TMEM132C: variants seen among roughly 807,000 people sequenced by gnomAD.
The protein encoded by TMEM132C is protein phosphatase 1, regulatory subunit 152.
TMEM132C carries 29 observed loss-of-function variants against 61.4 expected under a neutral mutation model. The observed-to-expected ratio is 0.47, with a 90% CI of 0.35 to 0.64. The LOEUF (loss-of-function observed/expected upper bound fraction) is 0.64, where lower values mean the gene tolerates loss of function less well. Ranked by LOEUF, TMEM132C falls within the 30% of genes least tolerant of loss-of-function variation. The probability of loss-of-function intolerance (pLI) is 0.00; values close to 1 mark genes in which losing one functional copy is unlikely to be tolerated. For missense variants in TMEM132C, 1,408 were observed against 1,476.9 expected (o/e 0.95, Z 0.76); for synonymous variants, 656 against 633.1 (o/e 1.04, Z -0.54).
intron 1 of TMEM132C, among the ~76,000 whole-genome samples, chr12:128,345,391 G>C (rs1009261443): frequency 1.3e-5 from 2 of 152,096 alleles, no homozygotes; most frequent in Non-Finnish European, 2.9e-5. Flanking sequence ...CTTTAAAAAA[G>C]AATGATTTAT....
At chr12:128,704,769 G>A (rs754734938) in intron 8 of TMEM132C, among the ~76,000 whole-genome samples, 10 of 152,164 alleles carry the variant, frequency 6.6e-5, no homozygotes, top group Admixed American at 3.9e-4. Context: ...AACATGCACC[G>A]GCTGACTGAT....
In TMEM132C at chr12:128,360,278, A is replaced by ACACC. The variant is rs1555220360; in HGVS notation, c.86-54452_86-54449dup. On this transcript the variant is annotated intron_variant, in intron 1 of 8. Transcript: ENST00000435159. ...CACACACACACACACACACACACAC[A>ACACC]CACCCCAGGATAACAGAGAGAGAAC... Among the ~76,000 whole-genome samples the ACACC allele has an allele frequency of 2.2e-3, 308 of 140,184 alleles. 4 individuals carry two copies. The highest frequency in any genetic ancestry group is 7.5e-3 in the Middle Eastern group (2 of 268). 92.0% of individuals were successfully genotyped at this position (140,184 alleles called of 152,430 possible).
rs1868705476 is a variant in TMEM132C, at chr12:128,414,903, C to T, written c.257C>T (p.Thr86Ile). 6.4e-7 allele frequency: 1 copy of T among 1,551,870 alleles called. No individual in the cohort carries two copies. The highest frequency in any genetic ancestry group is 1.4e-5 in the African/African-American group (1 of 73,172). Residue 86 changes from threonine to isoleucine, a missense_variant, in exon 2 of 9, where the codon ACC becomes ATC. Physicochemically the swap from Thr to Ile is moderately conservative, Grantham distance 89 (BLOSUM62 -1). Coordinates refer to ENST00000435159, the MANE Select transcript of TMEM132C (RefSeq NM_001136103.3). ...SLQARVESFF[T>I]YKTRQPPVLN... ...CAGGCGAGGGTGGAGTCCTTCTTTA[C>T]CTACAAAACCAGGCAGCCCCCAGTG...
intron 4 of TMEM132C, among the ~76,000 whole-genome samples, chr12:128,652,794 G>A (rs1342685922): frequency 6.6e-6 from 1 of 152,226 alleles, no homozygotes; most frequent in Non-Finnish European, 1.5e-5. Flanking sequence ...TTTGGAGGAA[G>A]GAGATTCATA....
chr12:128,635,161 T>C (rs1236117169), intron 4 of TMEM132C, among the ~76,000 whole-genome samples: 2 of 152,232 alleles, frequency 1.3e-5, no homozygotes, highest in Admixed American at 6.5e-5. Flanking sequence ...CTCCAATACA[T>C]GCTTTCATAA....
chr12:128,545,090 G>T (rs77477211), intron 3 of TMEM132C, among the ~76,000 whole-genome samples: 1 of 152,194 alleles, frequency 6.6e-6, no homozygotes, highest in African/African-American at 2.4e-5. Context: ...ACAGAGCACC[G>T]AATAGGTCGT....
chr12:128,606,520 T>G (rs1876432896), intron 3 of TMEM132C, among the ~76,000 whole-genome samples: 2 of 152,250 alleles, frequency 1.3e-5, no homozygotes, highest in Admixed American at 1.3e-4. Flanking sequence ...AGATTTCCCA[T>G]TTTTAAAAAA....
intron 8 of TMEM132C, among the ~76,000 whole-genome samples, chr12:128,702,623 TGAA>T (rs1954811967): frequency 6.6e-6 from 1 of 152,242 alleles, no homozygotes; most frequent in Non-Finnish European, 1.5e-5. Context: ...TGTTTTGTTC[TGAA>T]GGAGGTTGTA....
In TMEM132C at chr12:128,458,527, G is replaced by A. The variant is rs141668266; in HGVS notation, c.974+42907G>A. Among the ~76,000 whole-genome samples, 1,118 of 152,062 alleles carry A rather than the reference G, an allele frequency of 7.4e-3. 8 individuals are homozygous for A. Among genetic ancestry groups the A allele is most frequent in the Non-Finnish European group, 0.01 (713 of 67,976 alleles). On this transcript the variant is annotated intron_variant, in intron 2 of 8. Transcript: ENST00000435159. ...CTCTCATTCTTGTTCCATTGTCCCC[G>A]GAACATGGTCCCCTTTGCCCGGTGA...
At chr12:128,430,964 A>G (rs930678216) in intron 2 of TMEM132C, among the ~76,000 whole-genome samples, 2 of 152,232 alleles carry the variant, frequency 1.3e-5, no homozygotes, top group African/African-American at 4.8e-5. Context: ...TAAGTGTTTC[A>G]GTGAAAGGAA....
At chr12:128,573,919 G>T (rs1874996155) in intron 3 of TMEM132C, among the ~76,000 whole-genome samples, 1 of 151,074 alleles carries the variant, frequency 6.6e-6, no homozygotes, top group Non-Finnish European at 1.5e-5. Flanking sequence ...AAAAGAGAGT[G>T]GTGAAAATAG....
chr12:128,498,428 C>T (rs1872045318), intron 2 of TMEM132C, among the ~76,000 whole-genome samples: 1 of 152,176 alleles, frequency 6.6e-6, no homozygotes, highest in African/African-American at 2.4e-5. Context: ...GTAATCCCAG[C>T]ACTTTGAGAG....
At chr12:128,583,414 A>C (rs1875421549) in intron 3 of TMEM132C, among the ~76,000 whole-genome samples, 1 of 152,044 alleles carries the variant, frequency 6.6e-6, no homozygotes, top group Non-Finnish European at 1.5e-5. Context: ...AAAGCTTTAC[A>C]AAAAAGAATT....
chr12:128,561,367 C>T (rs1430458761), intron 3 of TMEM132C, among the ~76,000 whole-genome samples: 1 of 152,158 alleles, frequency 6.6e-6, no homozygotes, highest in Non-Finnish European at 1.5e-5. Flanking sequence ...TTGCAGGGAG[C>T]AGGAAAGCTC....
At chr12:128,418,567 T>A (rs1471699616) in intron 2 of TMEM132C, among the ~76,000 whole-genome samples, 1 of 152,244 alleles carries the variant, frequency 6.6e-6, no homozygotes, top group Admixed American at 6.5e-5. Flanking sequence ...TTTAAATAAT[T>A]ACAGATTTGT....
intron 2 of TMEM132C, among the ~76,000 whole-genome samples, chr12:128,448,896 T>C (rs1870082349): frequency 6.6e-6 from 1 of 151,854 alleles, no homozygotes; most frequent in African/African-American, 2.4e-5. Context: ...TAAGAAATTT[T>C]ATAGGCCGAG....
chr12:128,462,579 G>A (rs1440583507), intron 2 of TMEM132C, among the ~76,000 whole-genome samples: 1 of 152,200 alleles, frequency 6.6e-6, no homozygotes, highest in Non-Finnish European at 1.5e-5. Context: ...AGACATGAAA[G>A]GATCTGGCAT....
At chr12:128,284,406 A>G (rs1385560184) in intron 1 of TMEM132C, among the ~76,000 whole-genome samples, 1 of 152,230 alleles carries the variant, frequency 6.6e-6, no homozygotes, top group East Asian at 1.9e-4. Flanking sequence ...CACTGAGAGC[A>G]TTTCTAAAAT....
chr12:128,491,556 C>T (rs7312559), intron 2 of TMEM132C, among the ~76,000 whole-genome samples: 5 of 151,866 alleles, frequency 3.3e-5, no homozygotes, highest in Admixed American at 6.6e-5. Flanking sequence ...TGCAAGCACA[C>T]GAGAAACTTT....
Sources: allele counts gnomAD v4.1 joint callset (sites outside exome capture counted in the v4.1 genomes callset), GRCh38; gene constraint gnomAD v4.1.1; transcripts MANE v1.5; gene names NCBI Gene and HGNC (gene_info 2026-07-23, HGNC 2026-07-21).